UBASH3B: variants seen among roughly 807,000 people sequenced by gnomAD.
UBASH3B encodes ubiquitin-associated and SH3 domain-containing protein B.
Under a neutral mutation model 83.4 loss-of-function variants are expected in UBASH3B, and 37 were observed. The ratio of observed to expected loss-of-function variants is 0.44; its 90% CI spans 0.34 to 0.58. UBASH3B has a LOEUF of 0.58. Ranked by LOEUF, UBASH3B falls within the 20% of genes least tolerant of loss-of-function variation. The pLI is 0.01. For synonymous variants in UBASH3B, 304 were observed against 318.3 expected (o/e 0.96, Z 0.48); for missense variants, 657 against 827.2 (o/e 0.79, Z 2.52).
chr11:122,708,914 C>G (rs1864158437), intron 1 of UBASH3B, among the ~76,000 whole-genome samples: 1 of 152,144 alleles, frequency 6.6e-6, no homozygotes, highest in Admixed American at 6.5e-5. Context: ...TTTCCCATCA[C>G]CTTCCCTTAA....
At chr11:122,807,869 C>G (rs1861368480) in intron 12 of UBASH3B, among the ~76,000 whole-genome samples, 198 bp from the exon 13 acceptor site, 1 of 152,170 alleles carries the variant, frequency 6.6e-6, no homozygotes, top group East Asian at 1.9e-4. Context: ...AAATCTGTAA[C>G]TATTTTAAGA....
intron 4 of UBASH3B, among the ~76,000 whole-genome samples, chr11:122,781,985 T>C (rs1860863714): frequency 6.6e-6 from 1 of 152,256 alleles, no homozygotes; most frequent in South Asian, 2.1e-4. Flanking sequence ...TCTGTGTGAC[T>C]TGACCAAGTT....
chr11:122,692,366 T>A (rs1473626051), intron 1 of UBASH3B, among the ~76,000 whole-genome samples: 2 of 152,224 alleles, frequency 1.3e-5, no homozygotes, highest in Non-Finnish European at 2.9e-5. Context: ...AGACAGTATT[T>A]AATATCTATT....
At chr11:122,746,436 T>C (rs1861119743) in intron 1 of UBASH3B, among the ~76,000 whole-genome samples, 1 of 152,214 alleles carries the variant, frequency 6.6e-6, no homozygotes, top group Non-Finnish European at 1.5e-5. Context: ...AGGTATAAGA[T>C]GGTGCCTCCG....
At chr11:122,656,804 A>T (rs1863370827) in intron 1 of UBASH3B, among the ~76,000 whole-genome samples, 1 of 152,194 alleles carries the variant, frequency 6.6e-6, no homozygotes, top group Admixed American at 6.5e-5. Flanking sequence ...AATCAGAAGG[A>T]GAAGCGATCC....
intron 5 of UBASH3B, 130 bp from the exon 6 acceptor site, chr11:122,788,970 C>T (rs538342275): frequency 1.3e-6 from 1 of 799,250 alleles, no homozygotes; most frequent in African/African-American, 1.7e-5. Flanking sequence ...GGCCTGCAGA[C>T]CCCAAGGGCT....
chr11:122,701,857 G>A (rs1196980643), intron 1 of UBASH3B, among the ~76,000 whole-genome samples: 1 of 152,016 alleles, frequency 6.6e-6, no homozygotes, highest in Non-Finnish European at 1.5e-5. Context: ...ATGTTTGTTT[G>A]TTTGTTTGTT....
chr11:122,779,797 A>T (rs570510232), intron 4 of UBASH3B, 102 bp downstream of exon 4: 2 of 1,398,686 alleles, frequency 1.4e-6, no homozygotes, highest in African/African-American at 2.8e-5. Flanking sequence ...TGGGGTCAGG[A>T]GGTGGAGGAC....
intron 1 of UBASH3B, among the ~76,000 whole-genome samples, chr11:122,724,246 T>C (rs1565542016): frequency 6.6e-6 from 1 of 152,238 alleles, no homozygotes; most frequent in East Asian, 1.9e-4. Context: ...TACTCATCGG[T>C]AAGATCATGA....
chr11:122,773,836 T>C (rs1860687845), intron 1 of UBASH3B, among the ~76,000 whole-genome samples: 1 of 152,194 alleles, frequency 6.6e-6, no homozygotes, highest in African/African-American at 2.4e-5. Context: ...AAGAAATAAA[T>C]TAAATTTCAC....
chr11:122,804,754 A>G (rs546611655), intron 11 of UBASH3B, among the ~76,000 whole-genome samples: 4 of 152,314 alleles, frequency 2.6e-5, no homozygotes, highest in African/African-American at 9.6e-5. Flanking sequence ...GGCCATGTGA[A>G]TTCATTTTGA....
chr11:122,770,195 A>C (rs1359826643), intron 1 of UBASH3B, among the ~76,000 whole-genome samples: 1 of 152,266 alleles, frequency 6.6e-6, no homozygotes, highest in African/African-American at 2.4e-5. Flanking sequence ...AAAGTCAAGG[A>C]CAATACAGCT....
At chr11:122,656,247 C>A in intron 1 of UBASH3B, 37 bp downstream of exon 1, 3 of 1,368,558 alleles carry the variant, frequency 2.2e-6, no homozygotes, top group Non-Finnish European at 2.8e-6. Context: ...GCGACCCCTC[C>A]CGCGCGCGCG....
intron 1 of UBASH3B, among the ~76,000 whole-genome samples, chr11:122,662,621 G>A (rs1863460805): frequency 6.6e-6 from 1 of 151,708 alleles, no homozygotes; most frequent in Non-Finnish European, 1.5e-5. Context: ...AGTTGAGACA[G>A]GGTTTCTCCA....
intron 1 of UBASH3B, among the ~76,000 whole-genome samples, chr11:122,767,915 A>G (rs1332568659): frequency 1.3e-5 from 2 of 152,186 alleles, no homozygotes; most frequent in African/African-American, 2.4e-5. Context: ...AGCAAGGCCA[A>G]TGTCTTAATG....
intron 1 of UBASH3B, among the ~76,000 whole-genome samples, chr11:122,690,697 T>C (rs1186386852): frequency 1.3e-5 from 2 of 152,138 alleles, no homozygotes; most frequent in Non-Finnish European, 2.9e-5. Context: ...GAGAGACACA[T>C]AGCGCTATGC....
chr11:122,761,961 T>G (rs1861378260), intron 1 of UBASH3B, among the ~76,000 whole-genome samples: 1 of 151,768 alleles, frequency 6.6e-6, no homozygotes, highest in Admixed American at 6.6e-5. Flanking sequence ...CCAGCTAATT[T>G]TTGTATTTTT....
intron 1 of UBASH3B, among the ~76,000 whole-genome samples, chr11:122,753,969 G>C (rs1016904279): frequency 6.6e-6 from 1 of 152,170 alleles, no homozygotes; most frequent in Non-Finnish European, 1.5e-5. Flanking sequence ...GCGATGTCCA[G>C]CCGAATGTTC....
At position 122,674,673 on chromosome 11, in the gene UBASH3B, G is replaced by T. The variant is rs559451716; in HGVS notation, c.161+18463G>T. 9.9e-4 allele frequency among the ~76,000 whole-genome samples: 148 copies of T among 149,616 alleles called. 1 individual carries two copies. Among genetic ancestry groups the T allele is most frequent in the Middle Eastern group, 7.5e-3 (2 of 268 alleles). On this transcript the variant is annotated intron_variant, in intron 1 of 13. Transcript: ENST00000284273. ...TGGGATTATAGGCATGAGCCACCGC[G>T]CCCAGCCCAAACATTGTCTTCTTAC...
Sources: allele counts gnomAD v4.1 joint callset (sites outside exome capture counted in the v4.1 genomes callset), GRCh38; gene constraint gnomAD v4.1.1; transcripts MANE v1.5; gene names NCBI Gene and HGNC (gene_info 2026-07-23, HGNC 2026-07-21).